The following SEMA3E variants were observed in gnomAD, a reference collection of about 807,000 sequenced individuals.
SEMA3E encodes semaphorin 3E, also known as semaphorin-3E.
In SEMA3E, 49 loss-of-function variants were observed where a neutral mutation model predicts 93.6. The observed-to-expected ratio is 0.52, with a 90% CI of 0.42 to 0.66. SEMA3E has a LOEUF of 0.66. SEMA3E is among the 30% of genes least tolerant of loss of function. SEMA3E has a pLI of 0.00. For synonymous variants in SEMA3E, 363 were observed against 330.7 expected, an observed-to-expected ratio of 1.10 and a Z score of -1.06; for missense variants, 906 against 964.8, an observed-to-expected ratio of 0.94 and a Z score of 0.81.
At chr7:83,581,795 C>T (rs1792523328) in intron 1 of SEMA3E, among the ~76,000 whole-genome samples, 1 of 151,906 alleles carries the variant, frequency 6.6e-6, no homozygotes, top group Non-Finnish European at 1.5e-5. Flanking sequence ...CCCTGTGAAA[C>T]AATCTGTCAG....
intron 4 of SEMA3E, among the ~76,000 whole-genome samples, chr7:83,429,547 C>A (rs1056878429): frequency 2.0e-5 from 3 of 152,168 alleles, no homozygotes; most frequent in African/African-American, 7.2e-5. Flanking sequence ...TCATTTGCTG[C>A]CTATGTCATC....
intron 1 of SEMA3E, among the ~76,000 whole-genome samples, chr7:83,525,051 G>A (rs1001070480): frequency 1.3e-5 from 2 of 151,940 alleles, no homozygotes; most frequent in Non-Finnish European, 2.9e-5. Flanking sequence ...TCTAAGAAAC[G>A]GTGCATCAAG....
chr7:83,598,864 T>A (rs1035830126), intron 1 of SEMA3E, among the ~76,000 whole-genome samples: 2 of 152,214 alleles, frequency 1.3e-5, no homozygotes, highest in Non-Finnish European at 2.9e-5. Context: ...TAAAACAAAA[T>A]CTATATGTTA....
intron 4 of SEMA3E, among the ~76,000 whole-genome samples, chr7:83,461,883 G>A (rs2722996): frequency 0.96 from 145,439 of 152,100 alleles, 69,886 homozygotes; most frequent in South Asian, 1. Context: ...CCAAACGCCT[G>A]AACCGCAGCA....
Position 83,369,567 on chromosome 7 carries a change from G to C in SEMA3E, c.1876-1529C>G, listed in dbSNP as rs541028758. Among the ~76,000 whole-genome samples, 4 of 152,230 alleles carry C rather than the reference G, an allele frequency of 2.6e-5. No homozygotes were observed. The South Asian group carries it at 8.3e-4, about 32-fold the overall frequency. ...ATAAAAGAGTCTCCATAAGTCTTTT[G>C]CAGGTGCTTCCCTTGACTTGGTGGG... is the stretch of plus-strand genomic sequence containing the variant. On this transcript the variant is annotated intron_variant, in intron 16 of 16. Transcript: ENST00000643230.
At chr7:83,372,233 A>C (rs891544271) in intron 16 of SEMA3E, 2 of 398,022 alleles carry the variant, frequency 5.0e-6, no homozygotes, top group Admixed American at 8.8e-5. Context: ...AGGAGCACTT[A>C]GTAACTGATG....
intron 1 of SEMA3E, among the ~76,000 whole-genome samples, chr7:83,556,336 A>C (rs1791886833): frequency 6.6e-6 from 1 of 152,212 alleles, no homozygotes; most frequent in African/African-American, 2.4e-5. Context: ...CTGTATTATC[A>C]ACACTAAATG....
chr7:83,553,119 T>C (rs139453668), intron 1 of SEMA3E, among the ~76,000 whole-genome samples: 6,516 of 152,280 alleles, frequency 0.043, 378 homozygotes, highest in African/African-American at 0.13. Context: ...ATCACAGTCC[T>C]ACCGATAGGT....
At chr7:83,463,128 T>C (rs1789665924) in intron 4 of SEMA3E, among the ~76,000 whole-genome samples, 2 of 149,720 alleles carry the variant, frequency 1.3e-5, no homozygotes, top group Non-Finnish European at 3.0e-5. Context: ...GTGCTCTCCC[T>C]GCAATCGTGT....
At chr7:83,593,897 C>T (rs1057060528) in intron 1 of SEMA3E, among the ~76,000 whole-genome samples, 2 of 152,072 alleles carry the variant, frequency 1.3e-5, no homozygotes, top group African/African-American at 4.8e-5. Context: ...TGGAAGTTGG[C>T]TTCTTTTGAT....
intron 2 of SEMA3E, among the ~76,000 whole-genome samples, chr7:83,478,883 G>A (rs1790077957): frequency 6.6e-6 from 1 of 152,224 alleles, no homozygotes. Context: ...AGATGTACCT[G>A]GTTTTAAATT....
At chr7:83,451,604 C>T (rs576242804) in intron 4 of SEMA3E, among the ~76,000 whole-genome samples, 5 of 152,236 alleles carry the variant, frequency 3.3e-5, no homozygotes, top group Admixed American at 2.6e-4. Flanking sequence ...GTGGAGATGG[C>T]AAACTGGCAA....
intron 1 of SEMA3E, among the ~76,000 whole-genome samples, chr7:83,643,373 C>T (rs143103052): frequency 6.6e-6 from 1 of 152,074 alleles, no homozygotes; most frequent in African/African-American, 2.4e-5. Context: ...CCTTGTAAAG[C>T]TGAAAAAATG....
intron 12 of SEMA3E, among the ~76,000 whole-genome samples, chr7:83,396,082 T>C (rs1302841289): frequency 1.7e-5 from 1 of 58,996 alleles, no homozygotes; most frequent in African/African-American, 3.3e-5. Context: ...TAAGTGCATA[T>C]GTGCATTTAT....
intron 1 of SEMA3E, among the ~76,000 whole-genome samples, chr7:83,613,195 A>G (rs1352007514): frequency 6.6e-6 from 1 of 152,068 alleles, no homozygotes; most frequent in Non-Finnish European, 1.5e-5. Flanking sequence ...TCCGAAAACA[A>G]TGGAGACCCT....
intron 1 of SEMA3E, among the ~76,000 whole-genome samples, chr7:83,641,074 A>C (rs1016942217): frequency 2.0e-5 from 3 of 152,176 alleles, no homozygotes; most frequent in African/African-American, 7.2e-5. Flanking sequence ...GTTTCACTAA[A>C]TGCAGCACTG....
intron 1 of SEMA3E, among the ~76,000 whole-genome samples, chr7:83,531,538 T>C (rs192182767): frequency 6.6e-6 from 1 of 151,570 alleles, no homozygotes; most frequent in Non-Finnish European, 1.5e-5. Context: ...TTTTTAGTAG[T>C]GATGGGGTTT....
At chr7:83,452,110 T>C (rs765433417) in intron 4 of SEMA3E, among the ~76,000 whole-genome samples, 16 of 143,718 alleles carry the variant, frequency 1.1e-4, no homozygotes, top group Non-Finnish European at 2.3e-4. Context: ...TAGAATTATA[T>C]CCATATGTGT....
At chr7:83,562,000 GC>G (rs1792039642) in intron 1 of SEMA3E, among the ~76,000 whole-genome samples, 1 of 152,052 alleles carries the variant, frequency 6.6e-6, no homozygotes, top group African/African-American at 2.4e-5. Context: ...GTATTCAATG[GC>G]TTATATCAGA....
Sources: allele counts gnomAD v4.1 joint callset (sites outside exome capture counted in the v4.1 genomes callset), GRCh38; gene constraint gnomAD v4.1.1; transcripts MANE v1.5; gene names NCBI Gene and HGNC (gene_info 2026-07-23, HGNC 2026-07-21).